The following KIF21A variants were observed in gnomAD, a reference collection of about 807,000 sequenced individuals.
KIF21A encodes kinesin family member 21A.
A neutral mutation model predicts 202.9 loss-of-function variants in KIF21A; 114 were observed. The observed-to-expected ratio is 0.56, with a 90% CI of 0.48 to 0.66. The LOEUF is 0.66. Ranked by LOEUF, KIF21A falls within the 30% of genes least tolerant of loss-of-function variation. KIF21A has a pLI of 0.00. For synonymous variants in KIF21A, 667 were observed against 670.8 expected (o/e 0.99, Z 0.09); for missense variants, 1,677 against 1,994.9 (o/e 0.84, Z 3.04).
chr12:39,388,438 C>T (rs1055207796), intron 1 of KIF21A, among the ~76,000 whole-genome samples: 1 of 152,116 alleles, frequency 6.6e-6, no homozygotes, highest in Non-Finnish European at 1.5e-5. Flanking sequence ...CAGGTATTTG[C>T]TTATAGTAAC....
intron 37 of KIF21A, among the ~76,000 whole-genome samples, chr12:39,298,658 A>G (rs544598656): frequency 6.6e-6 from 1 of 152,346 alleles, no homozygotes; most frequent in East Asian, 1.9e-4. Flanking sequence ...TGATAAACAA[A>G]GCCTGATACT....
At chr12:39,370,327 G>T (rs1032494308) in intron 1 of KIF21A, 66 bp from the exon 2 acceptor site, 1 of 1,254,112 alleles carries the variant, frequency 8.0e-7, no homozygotes, top group Non-Finnish European at 1.1e-6. Context: ...TCAAAAAATA[G>T]GACTTAAAAA....
intron 1 of KIF21A, among the ~76,000 whole-genome samples, chr12:39,430,857 TAAG>T (rs779481250): frequency 1.1e-4 from 16 of 152,226 alleles, no homozygotes; most frequent in South Asian, 2.1e-4. Context: ...AGTGGCTTTG[TAAG>T]AAGAAGAAGA....
At chr12:39,365,836 C>A (rs1410854447) in intron 6 of KIF21A, among the ~76,000 whole-genome samples, 2 of 151,962 alleles carry the variant, frequency 1.3e-5, no homozygotes, top group African/African-American at 2.4e-5. Flanking sequence ...GTGGCAAAAC[C>A]CCATCTCTAC....
chr12:39,411,428 C>T (rs1953070537), intron 1 of KIF21A, among the ~76,000 whole-genome samples: 1 of 152,180 alleles, frequency 6.6e-6, no homozygotes, highest in Admixed American at 6.5e-5. Context: ...AATGTCATGC[C>T]TTATAGTGCT....
intron 37 of KIF21A, among the ~76,000 whole-genome samples, chr12:39,298,314 C>A (rs1942613002): frequency 6.6e-6 from 1 of 152,098 alleles, no homozygotes; most frequent in South Asian, 2.1e-4. Flanking sequence ...AAGAACTCTA[C>A]AAATCTACAT....
chr12:39,377,138 C>A (rs1950319538), intron 1 of KIF21A, among the ~76,000 whole-genome samples: 1 of 152,090 alleles, frequency 6.6e-6, no homozygotes, highest in African/African-American at 2.4e-5. Flanking sequence ...TTGTGTAGTT[C>A]TTTTACTTAC....
chr12:39,395,387 T>C (rs1023320163), intron 1 of KIF21A, among the ~76,000 whole-genome samples: 2 of 147,484 alleles, frequency 1.4e-5, no homozygotes, highest in African/African-American at 4.9e-5. Flanking sequence ...CACCCGCTTC[T>C]TCACCGCATT....
rs1485525123 is a variant in KIF21A, at chr12:39,351,759, GTGATTTTA to G, written c.1673+10_1673+17del. 2 of 1,413,110 alleles carry G rather than the reference GTGATTTTA, an allele frequency of 1.4e-6. No homozygotes were observed. The highest frequency in any genetic ancestry group is 2.0e-6 in the Non-Finnish European group (2 of 1,002,370). The allele number at this position is 1,413,110 out of a possible 1,614,324, so 87.5% of individuals were successfully genotyped here. A position where few individuals can be genotyped will look rare whatever the true frequency, so the allele number is the denominator to read the frequency against. ...AAAGGAAATAGAGATTCATTTAGTG[GTGATTTTA>G]TAATCCCACCTTTTTTTCTTCCTCT... On this transcript the variant is annotated intron_variant, in intron 11 of 37. Coordinates refer to ENST00000361418, the MANE Select transcript of KIF21A (RefSeq NM_001173464.2).
intron 1 of KIF21A, among the ~76,000 whole-genome samples, chr12:39,407,882 AGCTAAATATATTTAGCATATAAATATAT>A (rs1313007021): frequency 2.6e-5 from 4 of 151,172 alleles, no homozygotes; most frequent in Non-Finnish European, 4.4e-5. Flanking sequence ...TAAAATCAGT[AGCTAAATATATTTAGCATATAAATATAT>A]GCTAAATATA....
At chr12:39,386,201 T>C (rs1355977465) in intron 1 of KIF21A, among the ~76,000 whole-genome samples, 1 of 152,190 alleles carries the variant, frequency 6.6e-6, no homozygotes, top group Non-Finnish European at 1.5e-5. Flanking sequence ...TTCCGGTCAA[T>C]GTCAACAGTA....
At chr12:39,397,675 C>T (rs914356271) in intron 1 of KIF21A, among the ~76,000 whole-genome samples, 12 of 152,118 alleles carry the variant, frequency 7.9e-5, no homozygotes, top group African/African-American at 2.9e-4. Flanking sequence ...TGAGCCTCAC[C>T]GAAGGAAGCC....
At chr12:39,398,201 A>G (rs184491706) in intron 1 of KIF21A, among the ~76,000 whole-genome samples, 1 of 152,388 alleles carries the variant, frequency 6.6e-6, no homozygotes, top group African/African-American at 2.4e-5. Flanking sequence ...AAACCATCAT[A>G]GGGAGAAAGG....
In KIF21A at chr12:39,294,391, A is replaced by G. The variant is rs1390080368; in HGVS notation, c.*33T>C. The G allele has an allele frequency of 5.5e-6, 8 of 1,450,102 alleles. No homozygotes were observed. In the African/African-American group the frequency reaches 9.7e-5, roughly 18 times the overall value. The allele number at this position is 1,450,102 out of a possible 1,614,324, so 89.8% of individuals were successfully genotyped here. On this transcript the variant is annotated 3_prime_UTR_variant, in exon 38 of 38. Coordinates refer to ENST00000361418, the MANE Select transcript of KIF21A (RefSeq NM_001173464.2). ...CATAAAGAATACAGAGTATTATCAC[A>G]GCATTCAGTTTACAACCTATCTTCA...
intron 26 of KIF21A, among the ~76,000 whole-genome samples, chr12:39,323,709 C>T (rs372447081): frequency 2.0e-5 from 3 of 151,392 alleles, no homozygotes; most frequent in Non-Finnish European, 4.4e-5. Flanking sequence ...CAGAAAGGAG[C>T]AAACTTGTTT....
chr12:39,368,062 T>G, intron 3 of KIF21A, 30 bp from the exon 4 acceptor site: 1 of 1,417,022 alleles, frequency 7.1e-7, no homozygotes, highest in Non-Finnish European at 9.9e-7. Context: ...AATCTAATTT[T>G]AGCAGAAATT....
intron 1 of KIF21A, among the ~76,000 whole-genome samples, chr12:39,404,927 T>C (rs1270614753): frequency 6.6e-6 from 1 of 152,112 alleles, no homozygotes; most frequent in Non-Finnish European, 1.5e-5. Context: ...AAATTTCAAA[T>C]GCGCAATGTT....
intron 1 of KIF21A, among the ~76,000 whole-genome samples, chr12:39,409,514 C>T (rs1329863932): frequency 4.8e-5 from 7 of 144,854 alleles, no homozygotes; most frequent in African/African-American, 1.6e-4. Context: ...TGAAGTGAGA[C>T]CATGTCTCAG....
chr12:39,331,666 A>T (rs372245943), intron 22 of KIF21A, 24 bp downstream of exon 22: 1 of 1,467,162 alleles, frequency 6.8e-7, no homozygotes. Context: ...TTAGATTTTC[A>T]GTAACAGTGT....
Sources: gnomAD v4.1 joint callset for allele counts (sites outside exome capture counted in the v4.1 genomes callset) on GRCh38, gnomAD v4.1.1 for gene constraint, MANE v1.5 for transcripts, NCBI Gene and HGNC (gene_info 2026-07-23, HGNC 2026-07-21) for gene names.